ATP8B4: variants seen among roughly 807,000 people sequenced by gnomAD.
The protein encoded by ATP8B4 is probable phospholipid-transporting ATPase IM.
A neutral mutation model predicts 145.6 loss-of-function variants in ATP8B4; 133 were observed. That is an observed-to-expected ratio of 0.91 (90% CI 0.79 to 1.05). The LOEUF (loss-of-function observed/expected upper bound fraction) is 1.05, where lower values mean the gene tolerates loss of function less well. ATP8B4 is among the 50% of genes least tolerant of loss of function. ATP8B4 has a pLI of 0.00. For synonymous variants in ATP8B4, 507 were observed against 492.9 expected (o/e 1.03, Z -0.38); for missense variants, 1,458 against 1,425.2 (o/e 1.02, Z -0.37).
chr15:50,028,029 T>A (rs1002503204), intron 6 of ATP8B4, among the ~76,000 whole-genome samples: 2 of 152,216 alleles, frequency 1.3e-5, no homozygotes, highest in African/African-American at 4.8e-5. Context: ...TCTTTCTCCA[T>A]CATTAGAGTC....
chr15:50,090,270 A>C (rs73400860), intron 2 of ATP8B4, among the ~76,000 whole-genome samples: 4,099 of 152,264 alleles, frequency 0.027, 180 homozygotes, highest in African/African-American at 0.095. Flanking sequence ...TGCTGGGCTT[A>C]ATTCCTAGGT....
chr15:50,039,130 C>A (rs1402549623), intron 5 of ATP8B4, among the ~76,000 whole-genome samples: 1 of 152,210 alleles, frequency 6.6e-6, no homozygotes, highest in Non-Finnish European at 1.5e-5. Flanking sequence ...ACCTTATAGT[C>A]TCAGAGAAAA....
chr15:50,103,900 C>G (rs2056520574), intron 2 of ATP8B4, among the ~76,000 whole-genome samples: 4 of 152,094 alleles, frequency 2.6e-5, no homozygotes, highest in Admixed American at 2.6e-4. Flanking sequence ...ACCAATGCAA[C>G]AGAATAGAGA....
In ATP8B4 at chr15:49,898,235, C is replaced by G. The variant is rs763802802; in HGVS notation, c.2306G>C (p.Ser769Thr). Residue 769 changes from serine (S) to threonine (T), a missense_variant, in exon 22 of 28, where the codon AGT (serine) becomes ACT (threonine). Ser to Thr is a moderately conservative substitution (Grantham distance 58). Coordinates refer to ENST00000284509, the MANE Select transcript of ATP8B4 (RefSeq NM_024837.4). ...TTCTAGGAGATCATTCTTGACATCA[C>G]TTTCTAGGGCATGAGCCTGTATGAT... ...NGHSLAHALE[S>T]DVKNDLLELA... 1.1e-5 allele frequency: 18 copies of G among 1,613,316 alleles called. No individual in the cohort carries two copies. The East Asian group carries it at 3.6e-4, about 32-fold the overall frequency.
chr15:49,938,790 A>G (rs1213296503), intron 14 of ATP8B4, among the ~76,000 whole-genome samples: 1 of 152,150 alleles, frequency 6.6e-6, no homozygotes, highest in Non-Finnish European at 1.5e-5. Flanking sequence ...TCTACCCATC[A>G]ACCACAGAAT....
intron 3 of ATP8B4, among the ~76,000 whole-genome samples, chr15:50,066,921 T>C (rs915687228): frequency 2.0e-5 from 3 of 152,260 alleles, no homozygotes; most frequent in Middle Eastern, 3.4e-3. Context: ...CTTAACCTCA[T>C]AGGCACCTAC....
At chr15:50,147,576 G>A (rs751187917) in intron 1 of ATP8B4, among the ~76,000 whole-genome samples, 11 of 152,106 alleles carry the variant, frequency 7.2e-5, no homozygotes, top group Admixed American at 2.6e-4. Context: ...ACGGAGAAAT[G>A]GTTGATTCCA....
chr15:49,977,795 G>A (rs565055367), intron 12 of ATP8B4, among the ~76,000 whole-genome samples: 3 of 152,076 alleles, frequency 2.0e-5, no homozygotes, highest in Non-Finnish European at 2.9e-5. Context: ...TATTTATAAT[G>A]TTATCTAAAG....
At chr15:49,891,472 C>T (rs938985773) in intron 23 of ATP8B4, among the ~76,000 whole-genome samples, 3 of 151,956 alleles carry the variant, frequency 2.0e-5, no homozygotes, top group Non-Finnish European at 2.9e-5. Flanking sequence ...ATTACAGGCA[C>T]GCTCCACCCC....
At chr15:50,121,736 G>A (rs1366098191), upstream of ATP8B4, among the ~76,000 whole-genome samples, 1 of 152,088 alleles carries the variant, frequency 6.6e-6, no homozygotes, top group Non-Finnish European at 1.5e-5. Context: ...CTATTAGGCA[G>A]TATGTGCACT....
At chr15:49,929,213 G>T (rs562720790) in intron 16 of ATP8B4, among the ~76,000 whole-genome samples, 7 of 152,222 alleles carry the variant, frequency 4.6e-5, no homozygotes, top group Non-Finnish European at 7.4e-5. Context: ...TATCTGATCT[G>T]CCTCTTACCC....
chr15:50,050,602 G>A (rs1431127659), intron 3 of ATP8B4, among the ~76,000 whole-genome samples: 2 of 150,584 alleles, frequency 1.3e-5, no homozygotes, highest in Non-Finnish European at 2.9e-5. Flanking sequence ...TTCTTCCAAA[G>A]CTGTAGACAA....
At chr15:49,946,748 G>T (rs1168454226) in intron 14 of ATP8B4, among the ~76,000 whole-genome samples, 1 of 152,082 alleles carries the variant, frequency 6.6e-6, no homozygotes, top group African/African-American at 2.4e-5. Flanking sequence ...TATCATGGTG[G>T]TGTATTGAAT....
chr15:49,972,693 T>C lies in ATP8B4; in HGVS notation c.1132A>G (p.Thr378Ala), dbSNP rs2045275827. Residue 378 changes from threonine to alanine, a missense_variant, in exon 13 of 28, where the codon ACG becomes GCG. Transcript: ENST00000284509. ...KAIPAVARTT[T>A]LNEELGQIEY... ...ATCTGCCCCAGTTCCTCATTGAGCG[T>C]GGTCGTTCGAGCCACTGCAGGTATT... 3.7e-6 allele frequency: 6 copies of C among 1,613,976 alleles called. No individual in the cohort carries two copies. Among genetic ancestry groups the C allele is most frequent in the Non-Finnish European group, 5.1e-6 (6 of 1,179,986 alleles).
chr15:49,903,633 C>T (rs2038292016), intron 20 of ATP8B4, among the ~76,000 whole-genome samples: 1 of 152,214 alleles, frequency 6.6e-6, no homozygotes, highest in African/African-American at 2.4e-5. Flanking sequence ...GTGGTTCATG[C>T]CTGTAATCCC....
intron 26 of ATP8B4, among the ~76,000 whole-genome samples, chr15:49,865,562 AG>A (rs2032645501): frequency 6.6e-6 from 1 of 152,178 alleles, no homozygotes; most frequent in Admixed American, 6.5e-5. Flanking sequence ...CTCAACTTGT[AG>A]GATCTGACAC....
At chr15:50,165,985 AC>A (rs2044592942) in intron 1 of ATP8B4, among the ~76,000 whole-genome samples, 1 of 151,254 alleles carries the variant, frequency 6.6e-6, no homozygotes, top group East Asian at 1.9e-4. Context: ...ACACACACAC[AC>A]ACACACACAC....
In ATP8B4 at chr15:49,876,272, C is replaced by G. The variant is rs193113600; in HGVS notation, c.3027+6G>C. The G allele has an allele frequency of 6.2e-7, 1 of 1,613,258 alleles. No homozygotes were observed. On this transcript the variant is annotated splice_donor_region_variant and intron_variant, in intron 25 of 27. Transcript: ENST00000284509. ...CAAGTTAAGGTGCTTACACCGACAG[C>G]GTTACCTGCACACTGACCACAATGA...
chr15:50,079,342 T>C (rs1313334524), intron 2 of ATP8B4, among the ~76,000 whole-genome samples: 3 of 151,904 alleles, frequency 2.0e-5, no homozygotes, highest in Admixed American at 2.0e-4. Context: ...TCAACCAGAG[T>C]CAAGAATGAT....
Sources: gnomAD v4.1 joint callset for allele counts (sites outside exome capture counted in the v4.1 genomes callset) on GRCh38, gnomAD v4.1.1 for gene constraint, MANE v1.5 for transcripts, NCBI Gene and HGNC (gene_info 2026-07-23, HGNC 2026-07-21) for gene names.